Variants in M1AP observed in about 807,000 individuals in gnomAD.
The protein encoded by M1AP is meiosis 1 arrest protein.
A neutral mutation model predicts 51.2 loss-of-function variants in M1AP; 39 were observed. That is an observed-to-expected ratio of 0.76 (90% CI 0.59 to 1.00). M1AP has a LOEUF of 1.00. M1AP is among the 50% of genes least tolerant of loss of function. M1AP has a pLI of 0.00. For synonymous variants in M1AP, 251 were observed against 249.2 expected, an observed-to-expected ratio of 1.01 and a Z score of -0.07; for missense variants, 545 against 641.2, an observed-to-expected ratio of 0.85 and a Z score of 1.62.
intron 7 of M1AP, among the ~76,000 whole-genome samples, chr2:74,571,963 T>C (rs1387698264): frequency 3.4e-5 from 5 of 147,354 alleles, no homozygotes; most frequent in Non-Finnish European, 5.9e-5. Flanking sequence ...GCCATTGCAC[T>C]CCAGGCCTGG....
At position 74,559,803 on chromosome 2, in the gene M1AP, T is replaced by A. The variant is rs1677781391; in HGVS notation, c.1423-94A>T. On this transcript the variant is annotated intron_variant, in intron 9 of 10. Coordinates refer to ENST00000421985, the MANE Select transcript of M1AP (RefSeq NM_001321739.2). ...TCTATAAATATTAATTTCCCATCCC[T>A]TGGGCATTTCTTTTCCCACCTTTCC... 5.7e-6 allele frequency: 4 copies of A among 705,194 alleles called. No homozygotes were observed. The Admixed American group carries it at 8.4e-5, about 15-fold the overall frequency. The allele number at this position is 705,194 out of a possible 1,614,324, so 43.7% of individuals were successfully genotyped here. A position where few individuals can be genotyped will look rare whatever the true frequency, so the allele number is the denominator to read the frequency against.
At chr2:74,561,263 A>AG (rs1677989175) in intron 8 of M1AP, among the ~76,000 whole-genome samples, 13 of 138,242 alleles carry the variant, frequency 9.4e-5, no homozygotes, top group African/African-American at 2.2e-4. Flanking sequence ...GAGGAGGAGA[A>AG]GAAGAAAAAG....
chr2:74,639,951 G>T, intron 2 of M1AP, 85 bp downstream of exon 2: 1 of 1,184,190 alleles, frequency 8.4e-7, no homozygotes, highest in Non-Finnish European at 1.2e-6. Context: ...ATTGTTATAA[G>T]TATTAATAAC....
intron 2 of M1AP, among the ~76,000 whole-genome samples, chr2:74,623,843 T>C (rs1394117599): frequency 1.3e-5 from 2 of 152,082 alleles, no homozygotes; most frequent in African/African-American, 4.8e-5. Context: ...GGCTAATTTT[T>C]AAAATTTTAG....
intron 1 of M1AP, among the ~76,000 whole-genome samples, chr2:74,642,157 C>T (rs916365634): frequency 2.6e-5 from 4 of 151,824 alleles, no homozygotes; most frequent in South Asian, 2.1e-4. Context: ...GAGGTTAGCA[C>T]GACCTTTGAA....
chr2:74,617,872 C>T (rs1558684935), intron 2 of M1AP, among the ~76,000 whole-genome samples: 1 of 152,196 alleles, frequency 6.6e-6, no homozygotes, highest in Admixed American at 6.5e-5. Flanking sequence ...AATACTCCCA[C>T]TTCTTTGGCA....
rs905324846 is a variant in M1AP, at chr2:74,578,458, C to T, written c.770-1840G>A. Reference sequence around the variant, plus strand: ...GTGTATGATGTTCCCCACCCTGAGACACTGGTATTTTTTATAAGTTCCCCA... The same window carrying T: ...GTGTATGATGTTCCCCACCCTGAGATACTGGTATTTTTTATAAGTTCCCCA... On this transcript the variant is annotated intron_variant, in intron 5 of 10. Coordinates refer to ENST00000421985, the MANE Select transcript of M1AP (RefSeq NM_001321739.2). Among the ~76,000 whole-genome samples the T allele has an allele frequency of 4.6e-5, 7 of 151,612 alleles. No homozygotes were observed. The South Asian group carries it at 6.3e-4, about 14-fold the overall frequency.
intron 7 of M1AP, among the ~76,000 whole-genome samples, chr2:74,563,914 A>C (rs988270540): frequency 6.6e-6 from 1 of 152,222 alleles, no homozygotes; most frequent in Non-Finnish European, 1.5e-5. Context: ...TTCAACAAAA[A>C]ACACAAAACT....
rs199811156 is a variant in M1AP at position 74,640,029 on chromosome 2, T to A, written c.240+7A>T. 2.4e-4 allele frequency: 386 copies of A among 1,611,458 alleles called. No individual in the cohort carries two copies. The highest frequency in any genetic ancestry group is 3.2e-4 in the Non-Finnish European group (373 of 1,177,732). On this transcript the variant is annotated splice_region_variant and intron_variant, in intron 2 of 10. Coordinates refer to ENST00000421985, the MANE Select transcript of M1AP (RefSeq NM_001321739.2). The stretch of plus-strand genomic sequence containing the variant: ...AGGGTAAAATGAATAAATATAGATA[T>A]ACTTACCACAAAAGGGAGGATGCAC...
At chr2:74,593,727 C>T (rs1418377272) in intron 4 of M1AP, among the ~76,000 whole-genome samples, 1 of 152,162 alleles carries the variant, frequency 6.6e-6, no homozygotes, top group Non-Finnish European at 1.5e-5. Context: ...GCAGAATGAA[C>T]AAAAGTAGAC....
In M1AP at chr2:74,575,463, A is replaced by G. The variant is rs1679003751; in HGVS notation, c.1049T>C (p.Phe350Ser). The change falls in exon 7 of 11, where the codon TTC (phenylalanine) becomes TCC (serine). Residue 350 changes from phenylalanine (F) to serine (S), a missense_variant. Coordinates refer to ENST00000421985, the MANE Select transcript of M1AP (RefSeq NM_001321739.2). ...WDELETNQQHFHALCHSLLKR... is the reference protein window; with the variant it reads ...WDELETNQQHSHALCHSLLKR... ...CAGCAGGCTGTGACACAAAGCATGG[A>G]AATGTTGCTGATTTGTCTCCAGCTC... 6.2e-7 allele frequency: 1 copy of G among 1,614,128 alleles called. No homozygotes were observed. The highest frequency in any genetic ancestry group is 1.7e-4 in the Middle Eastern group (1 of 6,026).
At chr2:74,605,757 T>A (rs966778461) in intron 4 of M1AP, among the ~76,000 whole-genome samples, 2 of 151,944 alleles carry the variant, frequency 1.3e-5, no homozygotes, top group Admixed American at 1.3e-4. Flanking sequence ...AAAAATTAGC[T>A]GGGCTTGGTG....
intron 7 of M1AP, among the ~76,000 whole-genome samples, chr2:74,563,529 G>A (rs1335283689): frequency 1.3e-5 from 2 of 151,714 alleles, no homozygotes; most frequent in Admixed American, 6.6e-5. Flanking sequence ...TACCTGGGAG[G>A]TGGAGGTTGC....
At chr2:74,642,877 T>C (rs942048120) in intron 1 of M1AP, among the ~76,000 whole-genome samples, 6 of 152,182 alleles carry the variant, frequency 3.9e-5, no homozygotes, top group African/African-American at 9.7e-5. Flanking sequence ...TATAGAAATA[T>C]AGTTAATTAA....
At chr2:74,616,847 CT>C (rs1385903746) in intron 2 of M1AP, among the ~76,000 whole-genome samples, 1 of 152,192 alleles carries the variant, frequency 6.6e-6, no homozygotes, top group Non-Finnish European at 1.5e-5. Context: ...CTGGGCTCTT[CT>C]TTCAATTAGC....
intron 1 of M1AP, among the ~76,000 whole-genome samples, chr2:74,645,493 T>A (rs1311349344): frequency 6.6e-6 from 1 of 152,162 alleles, no homozygotes; most frequent in African/African-American, 2.4e-5. Flanking sequence ...AGGACTAGCT[T>A]AAACAGGGCG....
At chr2:74,561,154 AAGG>A (rs1558643737) in intron 8 of M1AP, among the ~76,000 whole-genome samples, 300 of 12,572 alleles carry the variant, frequency 0.024, 1 homozygote, top group African/African-American at 0.06. Context: ...GGAGGAGGAG[AAGG>A]AGGAGGAGGA....
chr2:74,645,490 G>A (rs914497071), intron 1 of M1AP, among the ~76,000 whole-genome samples: 1 of 152,164 alleles, frequency 6.6e-6, no homozygotes, highest in South Asian at 2.1e-4. Context: ...TTGAGGACTA[G>A]CTTAAACAGG....
intron 2 of M1AP, among the ~76,000 whole-genome samples, chr2:74,630,722 T>C (rs1449531918): frequency 6.6e-6 from 1 of 152,200 alleles, no homozygotes; most frequent in Non-Finnish European, 1.5e-5. Context: ...TTTTTTTTAA[T>C]CCAGCCTATC....
Sources: gnomAD v4.1 joint callset for allele counts (sites outside exome capture counted in the v4.1 genomes callset) on GRCh38, gnomAD v4.1.1 for gene constraint, MANE v1.5 for transcripts, NCBI Gene and HGNC (gene_info 2026-07-23, HGNC 2026-07-21) for gene names.